The following SF3A3 variants were observed in gnomAD, a reference collection of about 807,000 sequenced individuals.
SF3A3 encodes the protein splicing factor 3a subunit 3.
In SF3A3, 9 loss-of-function variants were observed where a neutral mutation model predicts 85.8. The observed-to-expected ratio is 0.10, with a 90% CI of 0.06 to 0.18. The LOEUF (loss-of-function observed/expected upper bound fraction) is 0.18. Ranked by LOEUF, SF3A3 falls within the 10% of genes least tolerant of loss-of-function variation. SF3A3 has a pLI of 1.00. For synonymous variants in SF3A3, 195 were observed against 204.4 expected (o/e 0.95, Z 0.39); for missense variants, 306 against 593.3 (o/e 0.52, Z 5.03).
intron 9 of SF3A3, 172 bp from the exon 10 acceptor site, chr1:37,979,227 C>A: frequency 1.6e-6 from 1 of 633,250 alleles, no homozygotes; most frequent in East Asian, 2.7e-5. Context: ...TATCTTCAGA[C>A]TTAACCATAC....
chr1:37,974,438 G>T (rs1310557358), intron 12 of SF3A3, among the ~76,000 whole-genome samples: 2 of 151,684 alleles, frequency 1.3e-5, no homozygotes, highest in Non-Finnish European at 2.9e-5. Flanking sequence ...GAGTAGCTGG[G>T]ACTACAGATG....
intron 2 of SF3A3, 81 bp downstream of exon 2, chr1:37,989,464 CTCA>C (rs1646479547): frequency 8.2e-6 from 12 of 1,465,948 alleles, no homozygotes; most frequent in Non-Finnish European, 1.1e-5. Flanking sequence ...TGGCCAGGGA[CTCA>C]TGCTGAGACA....
intron 11 of SF3A3, 130 bp from the exon 12 acceptor site, chr1:37,977,083 A>T (rs1044492426): frequency 5.8e-6 from 4 of 691,674 alleles, no homozygotes; most frequent in African/African-American, 3.6e-5. Flanking sequence ...ATGCTATGAA[A>T]GCAAATGCTC....
rs1442133884 is a variant in SF3A3 at position 37,969,352 on chromosome 1, A to C, written c.1281+2T>G. On this transcript the variant is annotated splice_donor_variant, in intron 14 of 16. Coordinates refer to ENST00000373019, the MANE Select transcript of SF3A3 (RefSeq NM_006802.4). LOFTEE classifies it high-confidence loss of function. ...CAGGAAAAATGGCTCTGAATTCCTT[A>C]CAGCAAAGTGTCGCTGGAAGGCTTT... 1 of 1,600,526 alleles carries C rather than the reference A, an allele frequency of 6.2e-7. No homozygotes were observed.
In SF3A3 at chr1:37,978,814, G is replaced by A. The variant is rs746294758; in HGVS notation, c.841C>T (p.Arg281Ter). ...GLKCGGTLEE[R>*]AQRLFSTKGK... ...TTGGTACTGAATAGTCTCTGGGCTC[G>A]CTCTTCTAGGGTCCTAAGGAGACAG... Residue 281 changes from arginine (R) to a stop codon, truncating the protein, a stop_gained, in exon 11 of 17, where the codon CGA becomes TGA. Transcript: ENST00000373019. LOFTEE classifies it high-confidence loss of function. 1.9e-6 allele frequency: 3 copies of A among 1,572,780 alleles called. No individual in the cohort carries two copies. Among genetic ancestry groups the A allele is most frequent in the Non-Finnish European group, 2.6e-6 (3 of 1,157,178 alleles).
At chr1:37,981,941 T>A (rs1395912609) in intron 6 of SF3A3, 130 bp from the exon 7 acceptor site, 3 of 585,438 alleles carry the variant, frequency 5.1e-6, no homozygotes, top group Non-Finnish European at 8.9e-6. Flanking sequence ...TGGCTAATTT[T>A]GGTTTTTTTT....
rs956945425 is a variant in SF3A3, at chr1:37,957,267, T to A, written c.*919A>T. The A allele has an allele frequency of 2.0e-5, 3 of 151,968 alleles. No individual in the cohort carries two copies. Among genetic ancestry groups the A allele is most frequent in the African/African-American group, 7.2e-5 (3 of 41,380 alleles). 9.4% of individuals were successfully genotyped at this position (151,968 alleles called of 1,614,324 possible). A position where few individuals can be genotyped will look rare whatever the true frequency, so the allele number is the denominator to read the frequency against. ...ATAGGGATCTTGTAGAAGAAACAGG[T>A]AGACAGACCCACCAGTCTCTCATTC... On this transcript the variant is annotated 3_prime_UTR_variant, in exon 17 of 17. Transcript: ENST00000373019.
At chr1:37,974,503 A>C (rs991759680) in intron 12 of SF3A3, among the ~76,000 whole-genome samples, 8 of 151,942 alleles carry the variant, frequency 5.3e-5, no homozygotes, top group East Asian at 3.9e-4. Context: ...AGGGTTTCAC[A>C]GTGTTAGCCA....
In SF3A3 at chr1:37,960,149, C is replaced by A. The variant is rs547010093; in HGVS notation, c.1399G>T (p.Ala467Ser). 40 of 1,614,070 alleles carry A rather than the reference C, an allele frequency of 2.5e-5. No homozygotes were observed. The highest frequency in any genetic ancestry group is 6.7e-5 in the East Asian group (3 of 44,878). Residue 467 changes from alanine (A) to serine (S), a missense_variant, in exon 16 of 17, where the codon GCT (alanine) becomes TCT (serine). By Grantham distance (99) the Ala-to-Ser change is moderately conservative (BLOSUM62 1). This residue lies in a region of SF3A3 where 18 missense variants were observed against 77.4 expected (regional missense o/e 0.23). Transcript: ENST00000373019. Reference protein sequence around the residue: ...SLWAKLKLQKASERWQPDTEE... With the variant: ...SLWAKLKLQKSSERWQPDTEE... ...GTGTCAGGCTGCCATCGTTCTGAAGCCTTCTGCAATTTCAGTTTGGCCCAC... is the reference window on the plus strand; with the variant it reads ...GTGTCAGGCTGCCATCGTTCTGAAGACTTCTGCAATTTCAGTTTGGCCCAC...
intron 10 of SF3A3, 41 bp downstream of exon 10, chr1:37,978,947 C>G: frequency 6.3e-7 from 1 of 1,583,536 alleles, no homozygotes; most frequent in Non-Finnish European, 8.7e-7. Flanking sequence ...TGTGCAAACA[C>G]ACAGTAAATC....
intron 15 of SF3A3, among the ~76,000 whole-genome samples, chr1:37,966,038 TA>T (rs1434748210): frequency 6.6e-6 from 1 of 151,270 alleles, no homozygotes; most frequent in African/African-American, 2.4e-5. Flanking sequence ...CCGTCTCTAC[TA>T]AAAATACAAA....
At chr1:37,982,714 A>G (rs1646428145) in intron 6 of SF3A3, among the ~76,000 whole-genome samples, 1 of 152,062 alleles carries the variant, frequency 6.6e-6, no homozygotes, top group Admixed American at 6.6e-5. Flanking sequence ...AAGACATTAA[A>G]TACCTTTTTG....
intron 6 of SF3A3, among the ~76,000 whole-genome samples, chr1:37,982,373 AT>A (rs376912063): frequency 0.095 from 13,709 of 144,690 alleles, 741 homozygotes; most frequent in Middle Eastern, 0.24. Context: ...GTGATAAGCT[AT>A]TTTTTTTTTT....
rs368037585 is a variant in SF3A3 at position 37,989,615 on chromosome 1, C to T, written c.97-20G>A. 4.3e-6 allele frequency: 7 copies of T among 1,613,126 alleles called. No individual in the cohort carries two copies. The African/African-American group carries it at 9.3e-5, about 22-fold the overall frequency. On this transcript the variant is annotated intron_variant, in intron 1 of 16. Coordinates refer to ENST00000373019, the MANE Select transcript of SF3A3 (RefSeq NM_006802.4). ...CCGGAGCTGAAAAAACAAACGGTGA[C>T]ACAAACGCCGTTAGTTTGCGTTCTG...
chr1:37,976,948 G>T lies in SF3A3; in HGVS notation c.941C>A (p.Thr314Asn). ...NPKSKGTKRDTERNKDIAFLE... is the reference protein window; with the variant it reads ...NPKSKGTKRDNERNKDIAFLE... Reference sequence around the variant, plus strand: ...AAAAGCAATGTCTTTGTTCCTTTCAGTGTCTCTGAGAAAAAGAAACAAGCT... The same window carrying T: ...AAAAGCAATGTCTTTGTTCCTTTCATTGTCTCTGAGAAAAAGAAACAAGCT... Residue 314 changes from threonine (T) to asparagine (N), a missense_variant, in exon 12 of 17, where the codon ACT (threonine) becomes AAT (asparagine). Physicochemically the swap from Thr to Asn is moderately conservative, Grantham distance 65. Coordinates refer to ENST00000373019, the MANE Select transcript of SF3A3 (RefSeq NM_006802.4). The T allele has an allele frequency of 6.2e-7, 1 of 1,606,714 alleles. No individual in the cohort carries two copies. Among genetic ancestry groups the T allele is most frequent in the Non-Finnish European group, 8.5e-7 (1 of 1,173,708 alleles).
At chr1:37,962,402 G>A (rs1397140770) in intron 15 of SF3A3, among the ~76,000 whole-genome samples, 2 of 147,504 alleles carry the variant, frequency 1.4e-5, no homozygotes, top group Non-Finnish European at 3.0e-5. Flanking sequence ...TTGGGAGTTC[G>A]AGACCAACCT....
intron 15 of SF3A3, among the ~76,000 whole-genome samples, chr1:37,964,415 G>A (rs1197317419): frequency 6.6e-6 from 1 of 151,954 alleles, no homozygotes; most frequent in East Asian, 1.9e-4. Context: ...GACCAGCCTG[G>A]CCAACATGCT....
intron 12 of SF3A3, among the ~76,000 whole-genome samples, chr1:37,970,818 G>C (rs1216207787): frequency 2.6e-5 from 4 of 152,120 alleles, no homozygotes; most frequent in Non-Finnish European, 5.9e-5. Flanking sequence ...TGAGCACAAA[G>C]ACACAACATA....
intron 15 of SF3A3, among the ~76,000 whole-genome samples, chr1:37,961,973 T>C (rs1427711234): frequency 2.0e-5 from 3 of 150,722 alleles, no homozygotes; most frequent in Non-Finnish European, 4.4e-5. Flanking sequence ...TAATCCCTGC[T>C]ACTCAGGAGG....
Sources: gnomAD v4.1 joint callset for allele counts (sites outside exome capture counted in the v4.1 genomes callset) on GRCh38, gnomAD v4.1.1 for gene constraint, gnomAD v4.1.1 regional missense constraint, MANE v1.5 for transcripts, NCBI Gene and HGNC (gene_info 2026-07-23, HGNC 2026-07-21) for gene names.